PPM1G: variants seen among roughly 807,000 people sequenced by gnomAD.
PPM1G encodes the protein protein phosphatase, Mg2+/Mn2+ dependent 1G.
A neutral mutation model predicts 59.4 loss-of-function variants in PPM1G; 12 were observed. The observed-to-expected ratio is 0.20, with a 90% CI of 0.13 to 0.33. The LOEUF (loss-of-function observed/expected upper bound fraction) is 0.33, where lower values mean the gene tolerates loss of function less well. Among genes scored for constraint, PPM1G ranks in the 10% least tolerant of loss-of-function variants. The pLI is 1.00. For synonymous variants in PPM1G, 245 were observed against 251.9 expected, an observed-to-expected ratio of 0.97 and a Z score of 0.26; for missense variants, 392 against 681.3, an observed-to-expected ratio of 0.58 and a Z score of 4.73.
chr2:27,388,363 C>G (rs1683819105), intron 1 of PPM1G, among the ~76,000 whole-genome samples: 1 of 151,926 alleles, frequency 6.6e-6, no homozygotes, highest in Admixed American at 6.5e-5. Flanking sequence ...GAGCCAAGAT[C>G]ACACCACTGC....
chr2:27,402,743 G>C (rs945588748), intron 1 of PPM1G, among the ~76,000 whole-genome samples: 2 of 151,750 alleles, frequency 1.3e-5, no homozygotes, highest in Non-Finnish European at 2.9e-5. Context: ...GGGAGGCGGA[G>C]CTTGCAGTAG....
chr2:27,404,683 G>A (rs1448948176), intron 1 of PPM1G, among the ~76,000 whole-genome samples: 3 of 150,260 alleles, frequency 2.0e-5, no homozygotes, highest in African/African-American at 4.9e-5. Flanking sequence ...GGTGGCTCAC[G>A]CCTGTAATGC....
chr2:27,385,040 A>T lies in PPM1G; in HGVS notation c.458T>A (p.Ile153Asn). Reference sequence around the variant, plus strand: ...CCCGTAGCGTGTCAGCAGCTCTTCAATAGTCATGGTAGCCTCTTCATGCAG... The same window carrying T: ...CCCGTAGCGTGTCAGCAGCTCTTCATTAGTCATGGTAGCCTCTTCATGCAG... ...ALLHEEATMT[I>N]EELLTRYGQN... The change falls in exon 5 of 10, where the codon ATT (isoleucine) becomes AAT (asparagine). Residue 153 changes from isoleucine (I) to asparagine (N), a missense_variant. Ile to Asn is a moderately radical substitution (Grantham distance 149). Around this residue, in one of 6 missense-constraint regions of PPM1G, gnomAD observed 188 missense variants for 248.8 expected, o/e 0.76. Coordinates refer to ENST00000344034, the MANE Select transcript of PPM1G (RefSeq NM_177983.3). This position sits in a 1 kb window ranked among gnomAD's most constrained non-coding sequence, Gnocchi z 4.1. The T allele has an allele frequency of 6.2e-7, 1 of 1,613,528 alleles. No homozygotes were observed. Among genetic ancestry groups the T allele is most frequent in the Non-Finnish European group, 8.5e-7 (1 of 1,179,940 alleles).
intron 2 of PPM1G, 196 bp from the exon 3 acceptor site, chr2:27,386,475 G>C (rs532397729): frequency 4.5e-6 from 2 of 440,424 alleles, no homozygotes; most frequent in East Asian, 3.5e-5. Context: ...CAATTCTCTC[G>C]GGTATAAATA....
intron 1 of PPM1G, among the ~76,000 whole-genome samples, chr2:27,404,318 C>CA (rs1453386322): frequency 6.6e-6 from 1 of 151,958 alleles, no homozygotes; most frequent in Non-Finnish European, 1.5e-5. Context: ...GAGGCCGAGG[C>CA]AGGTGGATCA....
chr2:27,392,282 TTTTG>T (rs1238170430), intron 1 of PPM1G, among the ~76,000 whole-genome samples: 14 of 94,738 alleles, frequency 1.5e-4, no homozygotes, highest in Non-Finnish European at 2.1e-4. Context: ...TGTTGGTTTG[TTTTG>T]TTTTTTTTTT....
In PPM1G at chr2:27,381,402, G is replaced by A. The variant is rs1683621103; in HGVS notation, c.*197C>T. 1.6e-6 allele frequency: 1 copy of A among 611,970 alleles called. No homozygotes were observed. The highest frequency in any genetic ancestry group is 2.8e-5 in the East Asian group (1 of 35,682). 37.9% of individuals were successfully genotyped at this position (611,970 alleles called of 1,614,324 possible). A position where few individuals can be genotyped will look rare whatever the true frequency, so the allele number is the denominator to read the frequency against. On this transcript the variant is annotated 3_prime_UTR_variant, in exon 10 of 10. Transcript: ENST00000344034. ...ACCGGTGATGAGCCCGAGGAGCAGA[G>A]GCGGCTGGGAAGGACAGCAGAGGCT...
intron 1 of PPM1G, among the ~76,000 whole-genome samples, chr2:27,398,363 A>C (rs1684100211): frequency 2.6e-5 from 4 of 152,224 alleles, no homozygotes; most frequent in African/African-American, 9.6e-5. Flanking sequence ...TTCACTCAAA[A>C]TGGATCACAG....
At chr2:27,399,741 G>A (rs1024597363) in intron 1 of PPM1G, among the ~76,000 whole-genome samples, 5 of 152,182 alleles carry the variant, frequency 3.3e-5, no homozygotes, top group Admixed American at 2.0e-4. Context: ...TAAGTGTAGT[G>A]AACATGTGAA....
Position 27,382,307 on chromosome 2 carries a change from A to T in PPM1G, c.1332-79T>A. 1 of 1,560,594 alleles carries T rather than the reference A, an allele frequency of 6.4e-7. No individual in the cohort carries two copies. Among genetic ancestry groups the T allele is most frequent in the South Asian group, 1.1e-5 (1 of 89,700 alleles). On this transcript the variant is annotated intron_variant, in intron 8 of 9. Coordinates refer to ENST00000344034, the MANE Select transcript of PPM1G (RefSeq NM_177983.3). This position sits in a 1 kb window ranked among gnomAD's most constrained non-coding sequence, Gnocchi z 4.2. ...GGAGTATGGACAGAGGTGGTGGCCC[A>T]GGCCAGTGTAAATAACTACAGAAAT...
chr2:27,389,849 G>T (rs1683855094), intron 1 of PPM1G, among the ~76,000 whole-genome samples: 1 of 152,034 alleles, frequency 6.6e-6, no homozygotes, highest in African/African-American at 2.4e-5. Flanking sequence ...CCTGCAGTCA[G>T]TCCTAACTAC....
intron 1 of PPM1G, among the ~76,000 whole-genome samples, chr2:27,387,450 C>T (rs1683796153): frequency 6.6e-6 from 1 of 152,142 alleles, no homozygotes; most frequent in Non-Finnish European, 1.5e-5. Flanking sequence ...GGAAATAAAC[C>T]TGACCCTTTT....
Position 27,393,647 on chromosome 2 carries a change from C to T in PPM1G, c.121-6489G>A, listed in dbSNP as rs936261849. Among the ~76,000 whole-genome samples, 4 of 152,178 alleles carry T rather than the reference C, an allele frequency of 2.6e-5. No homozygotes were observed. In the East Asian group the frequency reaches 7.7e-4, roughly 29 times the overall value. On this transcript the variant is annotated intron_variant, in intron 1 of 9. Transcript: ENST00000344034. ...GTCGCCAGGCTGGAGTGCAGTGGCG[C>T]AATCTTGGCTCCCCGCAACCTCCAT...
At position 27,404,947 on chromosome 2, in the gene PPM1G, GA is replaced by G. The variant is rs527530570; in HGVS notation, c.120+4355del. Among the ~76,000 whole-genome samples the G allele has an allele frequency of 3.6e-3, 222 of 61,342 alleles. 1 individual carries two copies. Among genetic ancestry groups the G allele is most frequent in the Middle Eastern group, 0.033 (3 of 92 alleles). 40.2% of individuals were successfully genotyped at this position (61,342 alleles called of 152,430 possible). On this transcript the variant is annotated intron_variant, in intron 1 of 9. Coordinates refer to ENST00000344034, the MANE Select transcript of PPM1G (RefSeq NM_177983.3). ...CAACAGTGCAAGACTCCGTCTCGGA[GA>G]AAAAAAAAAAAAAAAAAGACTACAT...
intron 1 of PPM1G, among the ~76,000 whole-genome samples, chr2:27,390,509 G>C (rs903969964): frequency 6.6e-6 from 1 of 152,146 alleles, no homozygotes; most frequent in Non-Finnish European, 1.5e-5. Flanking sequence ...AGGACTGCTT[G>C]AGGCCAGGAG....
rs757697346 is a variant in PPM1G, at chr2:27,384,865, G to A, written c.633C>T (p.Tyr211=). The change falls in exon 5 of 10, where the codon TAC becomes TAT. Residue 211 remains tyrosine, a synonymous_variant. Transcript: ENST00000344034. The surrounding 1 kb of genome is among the most constrained non-coding windows in gnomAD (Gnocchi z 4.8). ...GTTCCGAGTTGGAGGAAAAGCCTGT[G>A]TAGGCCTTGGCTGTGGGGCCATTTT... ...SQENGPTAKA[Y]TGFSSNSERG... 6.2e-7 allele frequency: 1 copy of A among 1,614,250 alleles called. No homozygotes were observed. Among genetic ancestry groups the A allele is most frequent in the Non-Finnish European group, 8.5e-7 (1 of 1,180,056 alleles).
At chr2:27,389,403 T>C (rs1014572839) in intron 1 of PPM1G, among the ~76,000 whole-genome samples, 1 of 152,160 alleles carries the variant, frequency 6.6e-6, no homozygotes, top group African/African-American at 2.4e-5. Context: ...TATCGCACAA[T>C]TACCCTCTCC....
intron 1 of PPM1G, among the ~76,000 whole-genome samples, chr2:27,402,307 G>A (rs1684196569): frequency 6.6e-6 from 1 of 152,126 alleles, no homozygotes; most frequent in Admixed American, 6.6e-5. Context: ...AAATTTCTAT[G>A]TTCAAATTCA....
rs932095553 is a variant in PPM1G, at chr2:27,383,115, C to T, written c.1201+251G>A. ...CCTCCCAAAGTGCTGGGATTACAGG[C>T]GTGAGCCACCACGCCCGGCACTCAC... On this transcript the variant is annotated intron_variant, in intron 7 of 9. Coordinates refer to ENST00000344034, the MANE Select transcript of PPM1G (RefSeq NM_177983.3). The surrounding 1 kb of genome is among the most constrained non-coding windows in gnomAD (Gnocchi z 5.0). Among the ~76,000 whole-genome samples the T allele has an allele frequency of 6.6e-6, 1 of 152,156 alleles. No homozygotes were observed. The highest frequency in any genetic ancestry group is 2.4e-5 in the African/African-American group (1 of 41,518).
Sources: allele counts gnomAD v4.1 joint callset (sites outside exome capture counted in the v4.1 genomes callset), GRCh38; gene constraint gnomAD v4.1.1; regional missense constraint gnomAD v4.1.1; non-coding constraint Gnocchi (gnomAD v3.1); transcripts MANE v1.5; gene names NCBI Gene and HGNC (gene_info 2026-07-23, HGNC 2026-07-21).